Variants in ZHX2 observed in about 807,000 individuals in gnomAD.
ZHX2 encodes zinc fingers and homeoboxes 2.
A neutral mutation model predicts 21.9 loss-of-function variants in ZHX2; 6 were observed. The ratio of observed to expected loss-of-function variants is 0.27; its 90% CI spans 0.15 to 0.54. The LOEUF (loss-of-function observed/expected upper bound fraction) is 0.54, where lower values mean the gene tolerates loss of function less well. ZHX2 is among the 20% of genes least tolerant of loss of function. The pLI, the probability that ZHX2 is intolerant of heterozygous loss-of-function variation, is 0.95. For synonymous variants in ZHX2, 434 were observed against 437.1 expected (o/e 0.99, Z 0.09); for missense variants, 908 against 1,090.7 (o/e 0.83, Z 2.36).
intron 1 of ZHX2, among the ~76,000 whole-genome samples, chr8:122,855,026 C>T (rs368023876): frequency 2.0e-5 from 3 of 152,174 alleles, no homozygotes; most frequent in East Asian, 3.8e-4. Flanking sequence ...ATGTTATCTT[C>T]ATTCAGAATA....
intron 2 of ZHX2, among the ~76,000 whole-genome samples, chr8:122,924,324 C>T (rs949782008): frequency 1.2e-4 from 18 of 152,306 alleles, no homozygotes; most frequent in African/African-American, 4.3e-4. Context: ...ATCATCTTCC[C>T]TCAGTGCCTG....
At chr8:122,805,039 T>C (rs1488009759) in intron 1 of ZHX2, among the ~76,000 whole-genome samples, 2 of 152,132 alleles carry the variant, frequency 1.3e-5, no homozygotes, top group Non-Finnish European at 2.9e-5. Flanking sequence ...TCATCTAAAC[T>C]CTTTCATTCT....
chr8:122,905,607 T>C (rs960281047), intron 2 of ZHX2, among the ~76,000 whole-genome samples: 2 of 152,210 alleles, frequency 1.3e-5, no homozygotes. Context: ...TTTCCTATTC[T>C]GTTGCCAAAA....
rs1435761337 is a variant in ZHX2 at position 122,923,303 on chromosome 8, C to G, written c.-219-27989C>G. Among the ~76,000 whole-genome samples the G allele has an allele frequency of 2.6e-5, 4 of 152,330 alleles. No individual in the cohort carries two copies. In the East Asian group the frequency reaches 7.7e-4, roughly 29 times the overall value. Reference sequence around the variant, plus strand: ...CCTGGGGGCCTCAAGTGAGATGGGCCTAGAGCAGCTGGAGACTGGCTGAGC... The same window carrying G: ...CCTGGGGGCCTCAAGTGAGATGGGCGTAGAGCAGCTGGAGACTGGCTGAGC... On this transcript the variant is annotated intron_variant, in intron 2 of 3. Coordinates refer to ENST00000314393, the MANE Select transcript of ZHX2 (RefSeq NM_014943.5).
intron 2 of ZHX2, among the ~76,000 whole-genome samples, chr8:122,891,517 ATTGT>A (rs1819978881): frequency 1.3e-5 from 2 of 151,628 alleles, no homozygotes; most frequent in African/African-American, 4.9e-5. Flanking sequence ...GTATCATTAG[ATTGT>A]TTATTTGAAA....
At chr8:122,803,647 C>G (rs77531064) in intron 1 of ZHX2, among the ~76,000 whole-genome samples, 5,179 of 152,340 alleles carry the variant, frequency 0.034, 133 homozygotes, top group Non-Finnish European at 0.054. Context: ...ATCTCCTCTT[C>G]CCCCATGGAG....
chr8:122,888,467 G>T (rs908685068), intron 2 of ZHX2, among the ~76,000 whole-genome samples: 1 of 151,956 alleles, frequency 6.6e-6, no homozygotes, highest in South Asian at 2.1e-4. Flanking sequence ...AATTATTGGG[G>T]TTTCTTTGTT....
intron 1 of ZHX2, among the ~76,000 whole-genome samples, chr8:122,793,803 C>T (rs530985826): frequency 1.3e-5 from 2 of 152,314 alleles, no homozygotes; most frequent in Admixed American, 1.3e-4. Flanking sequence ...GCTTGGGGGG[C>T]CCTGCCTCTG....
Position 122,828,317 on chromosome 8 carries a change from C to G in ZHX2, c.-282-35160C>G, listed in dbSNP as rs1482315601. Among the ~76,000 whole-genome samples the G allele has an allele frequency of 6.6e-6, 1 of 152,152 alleles. No homozygotes were observed. Among genetic ancestry groups the G allele is most frequent in the Non-Finnish European group, 1.5e-5 (1 of 68,036 alleles). On this transcript the variant is annotated intron_variant, in intron 1 of 3. Transcript: ENST00000314393. The surrounding 1 kb of genome is among the most constrained non-coding windows in gnomAD (Gnocchi z 5.2). The stretch of plus-strand genomic sequence containing the variant: ...CAGGAGCTGAAGATAGAGAAAGTAT[C>G]TGTACAGTGCATGTGCGTGTGTGTG...
At chr8:122,864,513 T>C (rs1464271029) in intron 2 of ZHX2, among the ~76,000 whole-genome samples, 2 of 151,982 alleles carry the variant, frequency 1.3e-5, no homozygotes, top group African/African-American at 4.8e-5. Flanking sequence ...CTGGGGAGCC[T>C]ATCTCATGCC....
At chr8:122,796,157 C>T (rs1334886527) in intron 1 of ZHX2, among the ~76,000 whole-genome samples, 2 of 143,608 alleles carry the variant, frequency 1.4e-5, no homozygotes, top group East Asian at 4.0e-4. Flanking sequence ...CACAATGGAG[C>T]GAGACTCCAT....
In ZHX2 at chr8:122,916,096, G is replaced by A. The variant is rs559031094; in HGVS notation, c.-219-35196G>A. 5.9e-5 allele frequency among the ~76,000 whole-genome samples: 9 copies of A among 152,364 alleles called. No individual in the cohort carries two copies. The Middle Eastern group carries it at 0.01, about 173-fold the overall frequency. ...GGGTTTCAACGGCCTGCCTTGAAGT[G>A]CAAATGGCAGGTGTTGGCTCCTCCG... On this transcript the variant is annotated intron_variant, in intron 2 of 3. Transcript: ENST00000314393.
chr8:122,843,554 C>A (rs1818684499), intron 1 of ZHX2, among the ~76,000 whole-genome samples: 1 of 152,152 alleles, frequency 6.6e-6, no homozygotes, highest in Admixed American at 6.5e-5. Context: ...TTTAAGGGAC[C>A]CCTCGTGTAA....
rs558209441 is a variant in ZHX2 at position 122,828,156 on chromosome 8, T to C, written c.-282-35321T>C. On this transcript the variant is annotated intron_variant, in intron 1 of 3. Coordinates refer to ENST00000314393, the MANE Select transcript of ZHX2 (RefSeq NM_014943.5). This position sits in a 1 kb window ranked among gnomAD's most constrained non-coding sequence, Gnocchi z 5.2. ...GAAAAGCTGGCTCGCAGGAGAGACC[T>C]AAGGGCACCTAGACAGCACTGGCCA... Among the ~76,000 whole-genome samples the C allele has an allele frequency of 6.6e-6, 1 of 152,086 alleles. No homozygotes were observed. The highest frequency in any genetic ancestry group is 3.4e-3 in the Middle Eastern group (1 of 294).
At chr8:122,887,188 ATGGAG>A (rs1330069705) in intron 2 of ZHX2, among the ~76,000 whole-genome samples, 2 of 151,476 alleles carry the variant, frequency 1.3e-5, no homozygotes, top group Non-Finnish European at 2.9e-5. Context: ...ACAGATGGAG[ATGGAG>A]TGGTGATTCA....
chr8:122,937,179 C>G (rs1812719452), intron 2 of ZHX2, among the ~76,000 whole-genome samples: 1 of 152,180 alleles, frequency 6.6e-6, no homozygotes, highest in Non-Finnish European at 1.5e-5. Context: ...GGAGGAAAGC[C>G]CCGAGGAGGA....
chr8:122,958,591 G>C (rs1200814781), intron 3 of ZHX2, among the ~76,000 whole-genome samples: 1 of 152,174 alleles, frequency 6.6e-6, no homozygotes, highest in East Asian at 1.9e-4. Flanking sequence ...ATTTTATAGA[G>C]GGCAAAACTG....
intron 1 of ZHX2, among the ~76,000 whole-genome samples, chr8:122,816,777 G>A (rs1386599599): frequency 6.6e-6 from 1 of 152,138 alleles, no homozygotes; most frequent in Non-Finnish European, 1.5e-5. Flanking sequence ...AGCTCAGGGA[G>A]GCTAGGAAAC....
Position 122,796,575 on chromosome 8 carries a change from G to A in ZHX2, c.-283+14629G>A, listed in dbSNP as rs569445170. ...CATTCTGTAACAACTGTGTGTAGGG[G>A]AGAAAATCTAGTTTCCTTTTTTTCC... is the stretch of plus-strand genomic sequence containing the variant. On this transcript the variant is annotated intron_variant, in intron 1 of 3. Transcript: ENST00000314393. Among the ~76,000 whole-genome samples, 14 of 152,332 alleles carry A rather than the reference G, an allele frequency of 9.2e-5. No individual in the cohort carries two copies. The East Asian group carries it at 2.7e-3, about 29-fold the overall frequency.
Sources: allele counts gnomAD v4.1 joint callset (sites outside exome capture counted in the v4.1 genomes callset), GRCh38; gene constraint gnomAD v4.1.1; non-coding constraint Gnocchi (gnomAD v3.1); transcripts MANE v1.5; gene names NCBI Gene and HGNC (gene_info 2026-07-23, HGNC 2026-07-21).